PTCHD4: variants seen among roughly 807,000 people sequenced by gnomAD.
The protein encoded by PTCHD4 is patched domain containing 4.
PTCHD4 carries 33 observed loss-of-function variants against 58.1 expected under a neutral mutation model. The observed-to-expected ratio is 0.57, with a 90% CI of 0.43 to 0.76. PTCHD4 has a LOEUF of 0.76. Ranked by LOEUF, PTCHD4 falls within the 30% of genes least tolerant of loss-of-function variation. PTCHD4 has a pLI of 0.00. For missense variants in PTCHD4, 1,058 were observed against 1,027.1 expected (o/e 1.03, Z -0.41); for synonymous variants, 478 against 409.6 (o/e 1.17, Z -2.02).
chr6:48,031,667 C>CA (rs1185221894), intron 3 of PTCHD4, among the ~76,000 whole-genome samples: 1 of 151,942 alleles, frequency 6.6e-6, no homozygotes, highest in African/African-American at 2.4e-5. Context: ...AACAGTACTG[C>CA]AAAATAGTAA....
At chr6:48,044,400 G>T (rs1020454428) in intron 3 of PTCHD4, among the ~76,000 whole-genome samples, 6 of 151,668 alleles carry the variant, frequency 4.0e-5, no homozygotes, top group Non-Finnish European at 7.4e-5. Flanking sequence ...CAGTCGAAGT[G>T]CAGTTGTAGA....
intron 1 of PTCHD4, among the ~76,000 whole-genome samples, chr6:48,090,555 G>A (rs148176111): frequency 1.8e-3 from 279 of 152,204 alleles, no homozygotes; most frequent in Non-Finnish European, 3.4e-3. Context: ...TAATTCCAAA[G>A]CCTATGATTT....
intron 4 of PTCHD4, among the ~76,000 whole-genome samples, chr6:47,956,872 A>T (rs182848706): frequency 2.6e-5 from 4 of 152,290 alleles, no homozygotes; most frequent in Admixed American, 2.6e-4. Flanking sequence ...TCATTTAAAA[A>T]ATTGCCTTTC....
intron 1 of PTCHD4, among the ~76,000 whole-genome samples, chr6:48,084,936 G>A (rs1765234683): frequency 6.6e-6 from 1 of 151,612 alleles, no homozygotes; most frequent in Non-Finnish European, 1.5e-5. Context: ...TAGAGACGGT[G>A]TTTCACCATG....
At chr6:47,898,672 A>G (rs76773641) in intron 4 of PTCHD4, among the ~76,000 whole-genome samples, 4,057 of 152,308 alleles carry the variant, frequency 0.027, 185 homozygotes, top group African/African-American at 0.092. Flanking sequence ...TAAACTAGAT[A>G]GGAGGATACT....
At chr6:48,093,392 T>G (rs2113904519) in intron 1 of PTCHD4, among the ~76,000 whole-genome samples, 1 of 152,290 alleles carries the variant, frequency 6.6e-6, no homozygotes, top group Admixed American at 6.5e-5. Context: ...TTATAGAAAT[T>G]AAACTTTTTA....
At chr6:47,939,318 T>C (rs1358493713) in intron 4 of PTCHD4, among the ~76,000 whole-genome samples, 1 of 151,342 alleles carries the variant, frequency 6.6e-6, no homozygotes, top group East Asian at 1.9e-4. Flanking sequence ...GCCTGAGGAT[T>C]ACGTGGTATT....
chr6:47,865,739 A>C lies in PTCHD4; in HGVS notation c.*12564T>G, dbSNP rs1271606333. Among the ~76,000 whole-genome samples, 1 of 151,802 alleles carries C rather than the reference A, an allele frequency of 6.6e-6. No homozygotes were observed. Among genetic ancestry groups the C allele is most frequent in the Non-Finnish European group, 1.5e-5 (1 of 67,872 alleles). ...GGTTCAGGTCTCTCATCTCCAGTCT[A>C]ACCTACACTTAGAACATTGCAGATT... On this transcript the variant is annotated 3_prime_UTR_variant, in exon 5 of 5. Coordinates refer to ENST00000339488, the MANE Select transcript of PTCHD4 (RefSeq NM_001384253.1).
chr6:48,062,394 A>C (rs1053746563), intron 3 of PTCHD4, among the ~76,000 whole-genome samples: 2 of 152,116 alleles, frequency 1.3e-5, no homozygotes, highest in Non-Finnish European at 2.9e-5. Flanking sequence ...AAAGGAAACT[A>C]TCATCAGATA....
At chr6:48,106,467 T>G (rs927218254) in intron 1 of PTCHD4, among the ~76,000 whole-genome samples, 5 of 152,258 alleles carry the variant, frequency 3.3e-5, no homozygotes, top group African/African-American at 1.2e-4. Flanking sequence ...TAATAAGAGC[T>G]ATCTATGACA....
In PTCHD4 at chr6:47,879,188, C is replaced by T. The variant is rs757353310; in HGVS notation, c.1647G>A (p.Glu549=). 3 of 1,612,446 alleles carry T rather than the reference C, an allele frequency of 1.9e-6. No homozygotes were observed. Among genetic ancestry groups the T allele is most frequent in the Non-Finnish European group, 2.5e-6 (3 of 1,179,670 alleles). The change falls in exon 5 of 5, where the codon GAG becomes GAA. Residue 549 remains glutamate, a synonymous_variant. Transcript: ENST00000339488. ...TGACTTTCAGGAACTGGTAGTACTG[C>T]TCCACCCAGGACACTGCAGTGAATC... ...CSGFTAVSWV[E]QYYQFLKVSN...
At chr6:47,957,275 A>G (rs1034784921) in intron 4 of PTCHD4, among the ~76,000 whole-genome samples, 28 of 148,128 alleles carry the variant, frequency 1.9e-4, no homozygotes, top group Non-Finnish European at 3.7e-4. Flanking sequence ...TATATATTAT[A>G]TATATAGTTT....
intron 3 of PTCHD4, among the ~76,000 whole-genome samples, chr6:48,056,699 C>T (rs1353798763): frequency 1.3e-5 from 2 of 152,150 alleles, no homozygotes; most frequent in South Asian, 2.1e-4. Flanking sequence ...CCTTGCAGAC[C>T]TTCACCTATG....
rs1348291817 is a variant in PTCHD4 at position 47,860,115 on chromosome 6, C to A, written c.*18188G>T. ...TTCTTGAAGTATTCCCCTTTAATGC[C>A]AATAGTTCCCTATACCCAGATTCTC... On this transcript the variant is annotated 3_prime_UTR_variant, in exon 5 of 5. Coordinates refer to ENST00000339488, the MANE Select transcript of PTCHD4 (RefSeq NM_001384253.1). 6.6e-6 allele frequency among the ~76,000 whole-genome samples: 1 copy of A among 151,918 alleles called. No homozygotes were observed. Among genetic ancestry groups the A allele is most frequent in the Non-Finnish European group, 1.5e-5 (1 of 67,946 alleles).
intron 4 of PTCHD4, among the ~76,000 whole-genome samples, chr6:47,965,914 CA>C (rs1238742119): frequency 6.6e-6 from 1 of 151,602 alleles, no homozygotes; most frequent in South Asian, 2.1e-4. Flanking sequence ...GACTCCATCT[CA>C]AAAAAACCAA....
chr6:47,899,124 G>T (rs1003163316), intron 4 of PTCHD4, among the ~76,000 whole-genome samples: 2 of 152,166 alleles, frequency 1.3e-5, no homozygotes, highest in Non-Finnish European at 2.9e-5. Flanking sequence ...TCTTCCAATA[G>T]CAAGTCTATA....
intron 4 of PTCHD4, among the ~76,000 whole-genome samples, chr6:47,993,260 T>A (rs139694798): frequency 1.3e-5 from 2 of 152,210 alleles, no homozygotes; most frequent in African/African-American, 4.8e-5. Flanking sequence ...GCATAACCTC[T>A]TTTAATGCCA....
intron 4 of PTCHD4, among the ~76,000 whole-genome samples, chr6:47,907,856 C>T (rs1328990): frequency 0.59 from 90,105 of 151,976 alleles, 27,529 homozygotes; most frequent in East Asian, 0.78. Context: ...TGTCAGCAGA[C>T]TGTAGGGGAA....
At chr6:48,012,740 T>C (rs1409877823) in intron 3 of PTCHD4, among the ~76,000 whole-genome samples, 1 of 152,200 alleles carries the variant, frequency 6.6e-6, no homozygotes, top group Non-Finnish European at 1.5e-5. Flanking sequence ...TGTTTTGAGA[T>C]ACGTTCCATC....
Sources: gnomAD v4.1 joint callset for allele counts (sites outside exome capture counted in the v4.1 genomes callset) on GRCh38, gnomAD v4.1.1 for gene constraint, MANE v1.5 for transcripts, NCBI Gene and HGNC (gene_info 2026-07-23, HGNC 2026-07-21) for gene names.